The following PHLPP1 variants were observed in gnomAD, a reference collection of about 807,000 sequenced individuals.
PHLPP1 encodes PH domain leucine-rich repeat-containing protein phosphatase 1.
PHLPP1 carries 42 observed loss-of-function variants against 117.2 expected under a neutral mutation model. The observed-to-expected ratio is 0.36, with a 90% confidence interval of 0.28 to 0.46. The LOEUF (loss-of-function observed/expected upper bound fraction) is 0.46, where lower values mean the gene tolerates loss of function less well. Among genes scored for constraint, PHLPP1 ranks in the 20% least tolerant of loss-of-function variants. The probability of loss-of-function intolerance (pLI) is 1.00; values close to 1 mark genes in which losing one functional copy is unlikely to be tolerated. For synonymous variants in PHLPP1, 1,042 were observed against 970.7 expected (o/e 1.07, Z -1.37); for missense variants, 2,084 against 2,241.9 (o/e 0.93, Z 1.42).
At chr18:62,725,277 T>G (rs1245318263) in intron 1 of PHLPP1, among the ~76,000 whole-genome samples, 5 of 151,422 alleles carry the variant, frequency 3.3e-5, no homozygotes, top group Admixed American at 2.6e-4. Context: ...GGAGAATCGC[T>G]TGAACCCGGG....
intron 1 of PHLPP1, among the ~76,000 whole-genome samples, chr18:62,759,626 C>T (rs1443410612): frequency 6.6e-6 from 1 of 152,176 alleles, no homozygotes; most frequent in Non-Finnish European, 1.5e-5. Context: ...CTTGGCTATG[C>T]TTTGATGGCT....
chr18:62,958,789 A>G (rs767978875), intron 13 of PHLPP1, 30 bp downstream of exon 13: 3 of 1,611,042 alleles, frequency 1.9e-6, no homozygotes, highest in Admixed American at 3.4e-5. Context: ...CTGTATCCCC[A>G]TCATTGTCCA....
rs1290493481 is a variant in PHLPP1, at chr18:62,715,642, G to A, written c.-42G>A. 1.6e-6 allele frequency: 2 copies of A among 1,247,854 alleles called. No homozygotes were observed. Among genetic ancestry groups the A allele is most frequent in the Non-Finnish European group, 2.0e-6 (2 of 993,606 alleles). The allele number at this position is 1,247,854 out of a possible 1,614,324, so 77.3% of individuals were successfully genotyped here. On this transcript the variant is annotated 5_prime_UTR_variant, in exon 1 of 17. Coordinates refer to ENST00000262719, the MANE Select transcript of PHLPP1 (RefSeq NM_194449.4). The stretch of plus-strand genomic sequence containing the variant: ...CGCCTCATCGCCTCCCTCTCCGCCC[G>A]CTGCCTCCGGAGCTGGGGGGGAAAC...
intron 1 of PHLPP1, among the ~76,000 whole-genome samples, chr18:62,818,656 T>G (rs150112137): frequency 1.2e-3 from 181 of 152,308 alleles, no homozygotes; most frequent in African/African-American, 4.2e-3. Context: ...AGGAAAAAGA[T>G]AACAGGTGGA....
chr18:62,795,527 T>A (rs1913606829), intron 1 of PHLPP1, among the ~76,000 whole-genome samples: 1 of 150,480 alleles, frequency 6.6e-6, no homozygotes, highest in South Asian at 2.1e-4. Context: ...CAACAAAAAT[T>A]GTAAAAACCA....
At chr18:62,790,035 A>G (rs1262529797) in intron 1 of PHLPP1, among the ~76,000 whole-genome samples, 2 of 152,236 alleles carry the variant, frequency 1.3e-5, no homozygotes, top group Non-Finnish European at 2.9e-5. Flanking sequence ...TTATGATGGA[A>G]CAACAGCTAG....
chr18:62,793,020 C>G (rs1487164235), intron 1 of PHLPP1, among the ~76,000 whole-genome samples: 1 of 151,222 alleles, frequency 6.6e-6, no homozygotes, highest in Non-Finnish European at 1.5e-5. Context: ...ACTAAAAATA[C>G]AAAAATTAGC....
At chr18:62,751,990 G>A (rs1383099966) in intron 1 of PHLPP1, among the ~76,000 whole-genome samples, 1 of 152,096 alleles carries the variant, frequency 6.6e-6, no homozygotes, top group Non-Finnish European at 1.5e-5. Context: ...GAGGGTAGGG[G>A]GCATTGGAAT....
intron 1 of PHLPP1, among the ~76,000 whole-genome samples, chr18:62,752,896 A>C (rs1309000493): frequency 6.6e-6 from 1 of 152,266 alleles, no homozygotes; most frequent in Non-Finnish European, 1.5e-5. Context: ...AAAAATCTTC[A>C]GTAGACAATA....
chr18:62,921,990 G>T (rs146704275), intron 10 of PHLPP1, among the ~76,000 whole-genome samples: 202 of 152,284 alleles, frequency 1.3e-3, no homozygotes, highest in African/African-American at 4.5e-3. Flanking sequence ...TAATTATAAA[G>T]AAACAATAGA....
intron 15 of PHLPP1, 40 bp downstream of exon 15, chr18:62,972,748 T>C (rs1911090313): frequency 6.9e-7 from 1 of 1,458,020 alleles, no homozygotes; most frequent in African/African-American, 1.4e-5. Flanking sequence ...GTGTGTTTTC[T>C]TGCTCTTTGA....
chr18:62,962,385 G>A (rs1226029888), intron 13 of PHLPP1, among the ~76,000 whole-genome samples: 5 of 152,106 alleles, frequency 3.3e-5, no homozygotes, highest in East Asian at 1.9e-4. Context: ...TTGGCTCACC[G>A]CAACCTCCAC....
intron 1 of PHLPP1, among the ~76,000 whole-genome samples, chr18:62,722,325 G>A (rs1303162808): frequency 2.6e-5 from 4 of 152,108 alleles, no homozygotes; most frequent in Non-Finnish European, 4.4e-5. Context: ...ATGTGCCAGG[G>A]TTTAACATAA....
intron 12 of PHLPP1, among the ~76,000 whole-genome samples, chr18:62,949,857 G>A (rs941031396): frequency 6.6e-6 from 1 of 152,178 alleles, no homozygotes; most frequent in Admixed American, 6.5e-5. Flanking sequence ...CAGAAGCAGA[G>A]GTTGGATATG....
intron 1 of PHLPP1, among the ~76,000 whole-genome samples, chr18:62,816,341 G>A (rs1159737497): frequency 2.6e-5 from 4 of 152,052 alleles, no homozygotes; most frequent in Non-Finnish European, 5.9e-5. Flanking sequence ...CGAGGTGGGC[G>A]GATCATGAGG....
At chr18:62,942,986 A>G (rs914934303) in intron 11 of PHLPP1, among the ~76,000 whole-genome samples, 6 of 152,236 alleles carry the variant, frequency 3.9e-5, no homozygotes, top group South Asian at 2.1e-4. Context: ...TTACTTCACT[A>G]TGGAATGGGG....
intron 1 of PHLPP1, among the ~76,000 whole-genome samples, chr18:62,817,744 C>T (rs1471945458): frequency 1.3e-5 from 2 of 151,104 alleles, no homozygotes; most frequent in Non-Finnish European, 2.9e-5. Context: ...ATGAAGTATG[C>T]TAAGAAGCAT....
At chr18:62,731,231 TAGGG>T (rs1911217993) in intron 1 of PHLPP1, 1 of 152,190 alleles carries the variant, frequency 6.6e-6, no homozygotes. Context: ...TTAAAAAAAA[TAGGG>T]AACGTTTCAT....
Position 62,715,881 on chromosome 18 carries a change from C to G in PHLPP1, c.198C>G (p.Ser66Arg). 1 of 845,630 alleles carries G rather than the reference C, an allele frequency of 1.2e-6. No homozygotes were observed. The highest frequency in any genetic ancestry group is 1.4e-6 in the Non-Finnish European group (1 of 702,210). 52.4% of individuals were successfully genotyped at this position (845,630 alleles called of 1,614,324 possible). Residue 66 changes from serine (S) to arginine (R), a missense_variant, in exon 1 of 17, where the codon AGC becomes AGG. Ser to Arg is a moderately radical substitution (Grantham distance 110). Coordinates refer to ENST00000262719, the MANE Select transcript of PHLPP1 (RefSeq NM_194449.4). Reference sequence around the variant, plus strand: ...CGGCCCCGAGCGGCGGGAACGGCAGCGGCAGCGGGGCGCGGGAAGAGGCCC... The same window carrying G: ...CGGCCCCGAGCGGCGGGAACGGCAGGGGCAGCGGGGCGCGGGAAGAGGCCC... ...TPAAPSGGNG[S>R]GSGAREEAPG...
Sources: allele counts gnomAD v4.1 joint callset (sites outside exome capture counted in the v4.1 genomes callset), GRCh38; gene constraint gnomAD v4.1.1; transcripts MANE v1.5; gene names NCBI Gene and HGNC (gene_info 2026-07-23, HGNC 2026-07-21).